Variants in MTMR14 observed in about 807,000 individuals in gnomAD.
MTMR14 encodes the protein myotubularin related protein 14, also known as phosphatidylinositol-3,5-bisphosphate 3-phosphatase MTMR14.
MTMR14 carries 48 observed loss-of-function variants against 86.3 expected under a neutral mutation model. The ratio of observed to expected loss-of-function variants is 0.56; its 90% CI spans 0.44 to 0.71. The LOEUF (loss-of-function observed/expected upper bound fraction) is 0.71. MTMR14 is among the 30% of genes least tolerant of loss of function. The pLI, the probability that MTMR14 is intolerant of heterozygous loss-of-function variation, is 0.00. For synonymous variants in MTMR14, 366 were observed against 326.1 expected (o/e 1.12, Z -1.32); for missense variants, 780 against 834.6 (o/e 0.93, Z 0.81).
At position 9,697,756 on chromosome 3, in the gene MTMR14, T is replaced by C. The variant is rs1162658862; in HGVS notation, c.1659T>C (p.Tyr553=). 1.2e-6 allele frequency: 2 copies of C among 1,614,166 alleles called. No homozygotes were observed. Among genetic ancestry groups the C allele is most frequent in the East Asian group, 2.2e-5 (1 of 44,880 alleles). ...PLPGSSLSTD[Y]GSWQMVTGCG... ...CCGGATCCTCTCTCTCCACAGACTA[T>C]GGCAGCTGGCAGATGGTAACGGGCT... Residue 553 remains tyrosine (Y), a synonymous_variant, in exon 18 of 19, where the codon TAT becomes TAC. Coordinates refer to ENST00000296003, the MANE Select transcript of MTMR14 (RefSeq NM_001077525.3).
At chr3:9,672,847 C>T in intron 7 of MTMR14, 89 bp downstream of exon 7, 1 of 1,236,512 alleles carries the variant, frequency 8.1e-7, no homozygotes, top group Admixed American at 1.7e-5. Flanking sequence ...TACACTGGCG[C>T]CCTGGGAGCT....
intron 2 of MTMR14, among the ~76,000 whole-genome samples, chr3:9,656,292 G>GTAT (rs2047604113): frequency 6.6e-6 from 1 of 152,154 alleles, no homozygotes; most frequent in Admixed American, 6.5e-5. Context: ...CACAGAAACA[G>GTAT]TATTACATCC....
Position 9,684,721 on chromosome 3 carries a change from T to C in MTMR14, c.1050+51T>C, listed in dbSNP as rs374813512. ...GCTCTGCTCTTTGGGTGTGTTAGGA[T>C]TGTCTCCAGACAGAGGGTGGAGCAG... On this transcript the variant is annotated intron_variant, in intron 11 of 18. Coordinates refer to ENST00000296003, the MANE Select transcript of MTMR14 (RefSeq NM_001077525.3). The C allele has an allele frequency of 3.1e-6, 5 of 1,603,240 alleles. No individual in the cohort carries two copies. The African/African-American group carries it at 5.4e-5, about 17-fold the overall frequency.
At chr3:9,668,853 A>T (rs1041346629) in intron 4 of MTMR14, 59 bp downstream of exon 4, 1 of 1,576,196 alleles carries the variant, frequency 6.3e-7, no homozygotes. Flanking sequence ...GAGAATAGCT[A>T]CCCGGGCCGG....
At chr3:9,671,636 C>T (rs1052222999) in intron 6 of MTMR14, among the ~76,000 whole-genome samples, 1 of 149,822 alleles carries the variant, frequency 6.7e-6, no homozygotes. Context: ...CAAGAATGAG[C>T]CCACTGTGCC....
At chr3:9,654,010 C>A (rs1404363090) in intron 2 of MTMR14, 25 of 543,880 alleles carry the variant, frequency 4.6e-5, no homozygotes, top group Non-Finnish European at 6.6e-6. Flanking sequence ...GCTCATTGTC[C>A]TAAGATAGCT....
At chr3:9,688,149 G>C (rs888936959) in intron 14 of MTMR14, among the ~76,000 whole-genome samples, 2 of 152,210 alleles carry the variant, frequency 1.3e-5, no homozygotes, top group African/African-American at 2.4e-5. Context: ...CAGACGAGTG[G>C]TCTCTCATGA....
intron 1 of MTMR14, among the ~76,000 whole-genome samples, chr3:9,649,975 G>A (rs2124871798): frequency 6.6e-6 from 1 of 152,214 alleles, no homozygotes; most frequent in African/African-American, 2.4e-5. Context: ...CTTCTTGTTT[G>A]AGAAGGGGTC....
rs780381376 is a variant in MTMR14 at position 9,672,724 on chromosome 3, T to C, written c.717T>C (p.Tyr239=). Residue 239 remains tyrosine (Y), a synonymous_variant, in exon 7 of 19, where the codon TAT becomes TAC. Coordinates refer to ENST00000296003, the MANE Select transcript of MTMR14 (RefSeq NM_001077525.3). ...SSEKVDKAQR[Y]ADFTLLSIPY... is the part of the protein sequence containing the mutation. Reference sequence around the variant, plus strand: ...AGAAGGTGGACAAAGCCCAGCGCTATGCCGACTTCACTCTCCTCTCCATCC... The same window carrying C: ...AGAAGGTGGACAAAGCCCAGCGCTACGCCGACTTCACTCTCCTCTCCATCC... The C allele has an allele frequency of 3.1e-6, 5 of 1,614,120 alleles. No homozygotes were observed. The East Asian group carries it at 1.1e-4, about 36-fold the overall frequency.
At chr3:9,684,207 C>G (rs2125265850) in intron 10 of MTMR14, among the ~76,000 whole-genome samples, 1 of 152,244 alleles carries the variant, frequency 6.6e-6, no homozygotes, top group African/African-American at 2.4e-5. Flanking sequence ...TCCTGCAATT[C>G]ATGCAGCCCT....
At position 9,677,171 on chromosome 3, in the gene MTMR14, T is replaced by C. The variant is rs1408596002; in HGVS notation, c.752-146T>C. 2.8e-6 allele frequency: 2 copies of C among 704,464 alleles called. No homozygotes were observed. The highest frequency in any genetic ancestry group is 1.8e-5 in the African/African-American group (1 of 56,480). The allele number at this position is 704,464 out of a possible 1,614,324, so 43.6% of individuals were successfully genotyped here. A position where few individuals can be genotyped will look rare whatever the true frequency, so the allele number is the denominator to read the frequency against. On this transcript the variant is annotated intron_variant, in intron 7 of 18. Coordinates refer to ENST00000296003, the MANE Select transcript of MTMR14 (RefSeq NM_001077525.3). The surrounding 1 kb of genome is among the most constrained non-coding windows in gnomAD (Gnocchi z 4.2). ...TGGCTTTTGCCCACCCGTGTCAGCC[T>C]TGGCCTCACTGAAGCCACTAGCTTG...
rs375373181 is a variant in MTMR14, at chr3:9,689,025, G to A, written c.1376G>A (p.Ser459Asn). 2.0e-5 allele frequency: 32 copies of A among 1,613,826 alleles called. No homozygotes were observed. The highest frequency in any genetic ancestry group is 3.3e-4 in the Middle Eastern group (2 of 6,084). Reference protein sequence around the residue: ...VMESSPGATGSFTYEAVELVP... With the variant: ...VMESSPGATGNFTYEAVELVP... ...GAGAGTTCCCCAGGAGCCACTGGGA[G>A]CTTCACCTATGAGGCCGTGGAGCTG... The change falls in exon 16 of 19, where the codon AGC (serine) becomes AAC (asparagine). Residue 459 changes from serine to asparagine, a missense_variant. By Grantham distance (46) the Ser-to-Asn change is conservative (BLOSUM62 1). Transcript: ENST00000296003.
In MTMR14 at chr3:9,701,327, C is replaced by A. The variant is rs112806181; in HGVS notation, c.1770-463C>A. On this transcript the variant is annotated intron_variant, in intron 18 of 18. Coordinates refer to ENST00000296003, the MANE Select transcript of MTMR14 (RefSeq NM_001077525.3). This position sits in a 1 kb window ranked among gnomAD's most constrained non-coding sequence, Gnocchi z 4.2. ...CGCCTGTAATCCCAGTACTGTGGGA[C>A]GCCAAGGCAGGCGGATCAGTTGAGT... 4.3e-6 allele frequency: 1 copy of A among 231,368 alleles called. No individual in the cohort carries two copies. Among genetic ancestry groups the A allele is most frequent in the African/African-American group, 2.3e-5 (1 of 43,458 alleles). The allele number at this position is 231,368 out of a possible 1,614,324, so 14.3% of individuals were successfully genotyped here.
At chr3:9,649,963 TC>T (rs2047183240) in intron 1 of MTMR14, among the ~76,000 whole-genome samples, 1 of 151,660 alleles carries the variant, frequency 6.6e-6, no homozygotes, top group Non-Finnish European at 1.5e-5. Flanking sequence ...AGCAAAGAGG[TC>T]CTTCTTGTTT....
chr3:9,693,479 A>G (rs1258793158), intron 17 of MTMR14, among the ~76,000 whole-genome samples: 14 of 152,276 alleles, frequency 9.2e-5, no homozygotes. Flanking sequence ...AGCCTTACCA[A>G]TAACATAAAG....
chr3:9,698,752 G>T (rs1031491071), intron 18 of MTMR14, among the ~76,000 whole-genome samples: 2 of 152,146 alleles, frequency 1.3e-5, no homozygotes, highest in African/African-American at 4.8e-5. Context: ...GATGGCACAG[G>T]TCCTGGCTCT....
At chr3:9,690,421 G>C (rs1166788394) in intron 17 of MTMR14, among the ~76,000 whole-genome samples, 1 of 152,218 alleles carries the variant, frequency 6.6e-6, no homozygotes, top group African/African-American at 2.4e-5. Context: ...GCCTCCACTT[G>C]TTACCTTTGG....
At chr3:9,680,744 G>A (rs1246016259) in intron 9 of MTMR14, among the ~76,000 whole-genome samples, 1 of 152,256 alleles carries the variant, frequency 6.6e-6, no homozygotes, top group African/African-American at 2.4e-5. Flanking sequence ...GACTGAGGCA[G>A]GAGAATGGCG....
At chr3:9,655,440 C>A (rs768856938) in intron 2 of MTMR14, among the ~76,000 whole-genome samples, 1 of 148,594 alleles carries the variant, frequency 6.7e-6, no homozygotes, top group African/African-American at 2.5e-5. Context: ...AGTCTACATT[C>A]TGTGAGAGCT....
Sources: allele counts gnomAD v4.1 joint callset (sites outside exome capture counted in the v4.1 genomes callset), GRCh38; gene constraint gnomAD v4.1.1; non-coding constraint Gnocchi (gnomAD v3.1); transcripts MANE v1.5; gene names NCBI Gene and HGNC (gene_info 2026-07-23, HGNC 2026-07-21).